PREX1: variants seen among roughly 807,000 people sequenced by gnomAD.
PREX1 encodes the protein phosphatidylinositol-3,4,5-trisphosphate dependent Rac exchange factor 1.
PREX1 carries 41 observed loss-of-function variants against 198.3 expected under a neutral mutation model. The ratio of observed to expected loss-of-function variants is 0.21; its 90% confidence interval spans 0.16 to 0.27. The LOEUF is 0.27. PREX1 is among the 10% of genes least tolerant of loss of function. The pLI is 1.00. For synonymous variants in PREX1, 843 were observed against 887.2 expected (o/e 0.95, Z 0.89); for missense variants, 1,620 against 2,200.7 (o/e 0.74, Z 5.28).
chr20:48,696,924 T>G (rs918920249), intron 7 of PREX1, among the ~76,000 whole-genome samples: 3 of 151,716 alleles, frequency 2.0e-5, no homozygotes, highest in Non-Finnish European at 4.4e-5. Context: ...CGACAGATCT[T>G]GGGACTTGTC....
intron 1 of PREX1, among the ~76,000 whole-genome samples, chr20:48,790,023 G>T (rs2090331092): frequency 6.6e-6 from 1 of 152,256 alleles, no homozygotes; most frequent in Admixed American, 6.5e-5. Flanking sequence ...CAAAGAAGTA[G>T]TAGAGTGCTG....
chr20:48,866,220 T>G, the PREX1 span, among the ~76,000 whole-genome samples: 1 of 152,170 alleles, frequency 6.6e-6, no homozygotes, highest in African/African-American at 2.4e-5. Flanking sequence ...AATTTTTTAC[T>G]TTGTGCATGT....
At chr20:48,796,307 A>T (rs1394761855) in intron 1 of PREX1, among the ~76,000 whole-genome samples, 4 of 136,126 alleles carry the variant, frequency 2.9e-5, no homozygotes, top group African/African-American at 1.3e-4. Flanking sequence ...ATAATAATTA[A>T]AAAAAAAAAA....
intron 5 of PREX1, among the ~76,000 whole-genome samples, chr20:48,718,218 C>T (rs2089970788): frequency 6.6e-6 from 1 of 150,956 alleles, no homozygotes; most frequent in South Asian, 2.1e-4. Flanking sequence ...TTCAAAGAGG[C>T]CCTAGCACGG....
intron 29 of PREX1, 76 bp downstream of exon 29, chr20:48,642,092 A>C: frequency 6.8e-7 from 1 of 1,466,000 alleles, no homozygotes; most frequent in Non-Finnish European, 9.5e-7. Context: ...AGAGCTGAGC[A>C]TTAGCCCGGG....
intron 15 of PREX1, among the ~76,000 whole-genome samples, chr20:48,661,419 CAAAAAAAAAAAAA>C (rs1168247790): frequency 2.5e-4 from 3 of 12,026 alleles, no homozygotes; most frequent in South Asian, 0.012. Flanking sequence ...AACTCCATCT[CAAAAAAAAAAAAA>C]AAAAAAAAAA....
At chr20:48,727,614 T>C (rs1024111797) in intron 4 of PREX1, among the ~76,000 whole-genome samples, 1 of 151,976 alleles carries the variant, frequency 6.6e-6, no homozygotes, top group Non-Finnish European at 1.5e-5. Context: ...CCCTGGGGTG[T>C]GAGAGGTTTA....
At chr20:48,653,842 C>T (rs568216682) in intron 19 of PREX1, among the ~76,000 whole-genome samples, 26 of 152,366 alleles carry the variant, frequency 1.7e-4, no homozygotes, top group African/African-American at 6.3e-4. Context: ...GCGTGATGGG[C>T]TCAGAGAGGC....
At chr20:48,732,862 G>A (rs6019394) in intron 4 of PREX1, among the ~76,000 whole-genome samples, 6 of 146,162 alleles carry the variant, frequency 4.1e-5, no homozygotes, top group African/African-American at 7.4e-5. Context: ...TCTCCTTCCC[G>A]CCCTCCCTCC....
chr20:48,688,790 T>C lies in PREX1; in HGVS notation c.1201A>G (p.Met401Val), dbSNP rs1171926006. The change falls in exon 10 of 40, where the codon ATG becomes GTG. Residue 401 changes from methionine to valine, a missense_variant. Met to Val is a conservative substitution (Grantham distance 21). This residue lies in a region of PREX1 where 488 missense variants were observed against 802.5 expected (regional missense o/e 0.61). Coordinates refer to ENST00000371941, the MANE Select transcript of PREX1 (RefSeq NM_020820.4). The part of the protein sequence containing the change: ...REQRESLKLG[M>V]ERDAYVMIAE... ...ATCATGACGTAGGCATCACGCTCCA[T>C]GCCCAGCTTCAGGCCTACACAGGGG... 6.2e-7 allele frequency: 1 copy of C among 1,613,924 alleles called. No individual in the cohort carries two copies. Among genetic ancestry groups the C allele is most frequent in the Non-Finnish European group, 8.5e-7 (1 of 1,179,928 alleles).
At chr20:48,804,758 G>A (rs1056590516) in intron 1 of PREX1, among the ~76,000 whole-genome samples, 4 of 152,206 alleles carry the variant, frequency 2.6e-5, no homozygotes, top group South Asian at 4.1e-4. Context: ...AGAAGTGGCC[G>A]GATCCTGGCT....
chr20:48,764,920 T>G (rs775757255), intron 1 of PREX1, among the ~76,000 whole-genome samples: 10 of 151,962 alleles, frequency 6.6e-5, no homozygotes, highest in Non-Finnish European at 1.3e-4. Context: ...TGCAGGGGCC[T>G]CTGGAAGCTG....
intron 1 of PREX1, among the ~76,000 whole-genome samples, chr20:48,753,872 C>T (rs922983497): frequency 6.6e-6 from 1 of 152,220 alleles, no homozygotes; most frequent in Non-Finnish European, 1.5e-5. Context: ...GCCACCTGAA[C>T]CCTGTTACCC....
chr20:48,803,112 T>C (rs2090394889), intron 1 of PREX1, among the ~76,000 whole-genome samples: 1 of 152,216 alleles, frequency 6.6e-6, no homozygotes, highest in Non-Finnish European at 1.5e-5. Flanking sequence ...TAGTCAGATT[T>C]GCGATATCCT....
At chr20:48,837,615 A>G in the PREX1 span, among the ~76,000 whole-genome samples, 1 of 152,354 alleles carries the variant, frequency 6.6e-6, no homozygotes, top group Admixed American at 6.5e-5. Flanking sequence ...CAGGAGCTAA[A>G]TGACGAGAAC....
intron 1 of PREX1, among the ~76,000 whole-genome samples, chr20:48,759,298 C>T (rs1372744959): frequency 3.9e-5 from 6 of 151,992 alleles, no homozygotes; most frequent in Non-Finnish European, 7.4e-5. Context: ...GCCTATAATA[C>T]CAGCACTTTG....
At chr20:48,792,072 C>T (rs2090341319) in intron 1 of PREX1, among the ~76,000 whole-genome samples, 1 of 152,210 alleles carries the variant, frequency 6.6e-6, no homozygotes, top group African/African-American at 2.4e-5. Flanking sequence ...TGTAAAACAG[C>T]TTCCCCATAG....
At chr20:48,724,146 G>A (rs369475112) in intron 5 of PREX1, among the ~76,000 whole-genome samples, 19 of 152,304 alleles carry the variant, frequency 1.2e-4, no homozygotes, top group South Asian at 1.0e-3. Context: ...CTTCTCAGCA[G>A]GCAGTAGAGC....
At chr20:48,807,584 T>G (rs2090417436) in intron 1 of PREX1, among the ~76,000 whole-genome samples, 1 of 152,224 alleles carries the variant, frequency 6.6e-6, no homozygotes. Context: ...TTTTTTTTCT[T>G]GTTTCTATAG....
Sources: allele counts gnomAD v4.1 joint callset (sites outside exome capture counted in the v4.1 genomes callset), GRCh38; gene constraint gnomAD v4.1.1; regional missense constraint gnomAD v4.1.1; transcripts MANE v1.5; gene names NCBI Gene and HGNC (gene_info 2026-07-23, HGNC 2026-07-21).